The following PDZRN3 variants were observed in gnomAD, a reference collection of about 807,000 sequenced individuals.
PDZRN3 encodes the protein E3 ubiquitin-protein ligase PDZRN3.
In PDZRN3, 38 loss-of-function variants were observed where a neutral mutation model predicts 85.7. That is an observed-to-expected ratio of 0.44 (90% CI 0.34 to 0.58). The LOEUF is 0.58. PDZRN3 is among the 20% of genes least tolerant of loss of function. The probability of loss-of-function intolerance (pLI) is 0.01; values close to 1 mark genes in which losing one functional copy is unlikely to be tolerated. For missense variants in PDZRN3, 1,629 were observed against 1,506.4 expected, an observed-to-expected ratio of 1.08 and a Z score of -1.35; for synonymous variants, 759 against 638.0, an observed-to-expected ratio of 1.19 and a Z score of -2.86.
rs957879396 is a variant in PDZRN3, at chr3:73,602,531, T to G, written c.811-70A>C. On this transcript the variant is annotated intron_variant, in intron 2 of 9. Coordinates refer to ENST00000263666, the MANE Select transcript of PDZRN3 (RefSeq NM_015009.3). ...TTGAGCATGAAAGTAAAGCTTGCAC[T>G]CTTAAAACAGTAATTGACTCTTGCT... 12 of 797,182 alleles carry G rather than the reference T, an allele frequency of 1.5e-5. No individual in the cohort carries two copies. In the Admixed American group the frequency reaches 2.4e-4, roughly 16 times the overall value. The allele number at this position is 797,182 out of a possible 1,614,324, so 49.4% of individuals were successfully genotyped here. A position where few individuals can be genotyped will look rare whatever the true frequency, so the allele number is the denominator to read the frequency against.
intron 3 of PDZRN3, among the ~76,000 whole-genome samples, chr3:73,552,730 T>C (rs980590931): frequency 6.6e-6 from 1 of 152,222 alleles, no homozygotes; most frequent in African/African-American, 2.4e-5. Context: ...GAAGAACAGG[T>C]GCTAGTCCTT....
chr3:73,412,225 G>A (rs576183151), intron 3 of PDZRN3, among the ~76,000 whole-genome samples: 6 of 152,298 alleles, frequency 3.9e-5, no homozygotes, highest in Non-Finnish European at 5.9e-5. Flanking sequence ...CGTCATGCCC[G>A]AAGCCTTTAT....
At chr3:73,593,874 A>T (rs1162729661) in intron 3 of PDZRN3, 4 of 152,120 alleles carry the variant, frequency 2.6e-5, no homozygotes, top group Admixed American at 2.6e-4. Context: ...TTCCCCTGCA[A>T]AGACTAATAT....
chr3:73,462,419 C>T (rs1468374153), intron 3 of PDZRN3, among the ~76,000 whole-genome samples: 1 of 151,848 alleles, frequency 6.6e-6, no homozygotes, highest in South Asian at 2.1e-4. Flanking sequence ...GTGGTGGGCC[C>T]CTGTAGTCCC....
intron 3 of PDZRN3, among the ~76,000 whole-genome samples, chr3:73,498,241 T>C (rs1279374305): frequency 6.6e-6 from 1 of 152,188 alleles, no homozygotes; most frequent in Non-Finnish European, 1.5e-5. Flanking sequence ...AGTTTCTATC[T>C]ATCAAGTCCA....
chr3:73,415,804 G>GT (rs1427290452), intron 3 of PDZRN3, among the ~76,000 whole-genome samples: 2 of 152,014 alleles, frequency 1.3e-5, no homozygotes, highest in South Asian at 2.1e-4. Context: ...TAACTCCATC[G>GT]TAAGTTAAGG....
chr3:73,484,729 C>T (rs146924717), intron 3 of PDZRN3, among the ~76,000 whole-genome samples: 1 of 152,082 alleles, frequency 6.6e-6, no homozygotes, highest in Non-Finnish European at 1.5e-5. Context: ...GTCTACAGAC[C>T]AGCAGCACCA....
At chr3:73,402,941 C>CTTTTTTTTTTTTTTTTTTTTTTTTTT (rs140037400) in intron 4 of PDZRN3, among the ~76,000 whole-genome samples, 2 of 115,674 alleles carry the variant, frequency 1.7e-5, no homozygotes, top group African/African-American at 7.5e-5. Context: ...ACATGAAAAG[C>CTTTTTTTTTTTTTTTTTTTTTTTTTT]TTTTTTTTTT....
intron 1 of PDZRN3, among the ~76,000 whole-genome samples, chr3:73,613,456 T>C (rs1702714047): frequency 6.6e-6 from 1 of 151,952 alleles, no homozygotes; most frequent in African/African-American, 2.4e-5. Context: ...TTAGGAACGG[T>C]GGAGACAGAA....
At chr3:73,541,127 C>A (rs572206408) in intron 3 of PDZRN3, among the ~76,000 whole-genome samples, 1 of 152,114 alleles carries the variant, frequency 6.6e-6, no homozygotes, top group African/African-American at 2.4e-5. Context: ...AAAATGTTGC[C>A]TAACCTCCAT....
At chr3:73,388,121 T>C (rs1345560144) in intron 7 of PDZRN3, 52 bp from the exon 8 acceptor site, 1 of 859,670 alleles carries the variant, frequency 1.2e-6, no homozygotes, top group Non-Finnish European at 1.8e-6. Context: ...ATAGCATGAT[T>C]AGATGGTGCA....
intron 8 of PDZRN3, among the ~76,000 whole-genome samples, chr3:73,386,937 T>C (rs558918763): frequency 5.3e-5 from 8 of 152,210 alleles, no homozygotes; most frequent in Non-Finnish European, 1.2e-4. Context: ...GTAGCTCCCA[T>C]AAGTCCTACG....
At chr3:73,408,578 T>C (rs1005653611) in intron 3 of PDZRN3, among the ~76,000 whole-genome samples, 1 of 149,178 alleles carries the variant, frequency 6.7e-6, no homozygotes, top group African/African-American at 2.5e-5. Context: ...CGAGTTGGGA[T>C]TCTTGGAGGA....
chr3:73,476,602 C>T (rs1476668773), intron 3 of PDZRN3, among the ~76,000 whole-genome samples: 7 of 152,214 alleles, frequency 4.6e-5, no homozygotes, highest in African/African-American at 9.6e-5. Flanking sequence ...CTGATGGCTG[C>T]TACTTTCATG....
At chr3:73,542,730 C>T (rs560654568) in intron 3 of PDZRN3, among the ~76,000 whole-genome samples, 1 of 152,130 alleles carries the variant, frequency 6.6e-6, no homozygotes, top group African/African-American at 2.4e-5. Context: ...GCCAAGATCA[C>T]ACCATTGCAC....
rs781504213 is a variant in PDZRN3 at position 73,624,690 on chromosome 3, C to G, written c.136G>C (p.Val46Leu). 3 of 1,526,508 alleles carry G rather than the reference C, an allele frequency of 2.0e-6. No individual in the cohort carries two copies. Among genetic ancestry groups the G allele is most frequent in the African/African-American group, 2.8e-5 (2 of 70,316 alleles). The allele number at this position is 1,526,508 out of a possible 1,614,324, so 94.6% of individuals were successfully genotyped here. Residue 46 changes from valine to leucine, a missense_variant, in exon 1 of 10, where the codon GTG becomes CTG. Coordinates refer to ENST00000263666, the MANE Select transcript of PDZRN3 (RefSeq NM_015009.3). ...GCCGGGCAGCTGCCCTCCTGCACCA[C>G]CCAGGGCAGCACGCAGCCGGCGCAG... ...VFCAGCVLPW[V>L]VQEGSCPARC... is the part of the protein sequence containing the mutation.
chr3:73,402,328 C>T (rs953908150), intron 4 of PDZRN3: 5 of 152,198 alleles, frequency 3.3e-5, no homozygotes, highest in East Asian at 1.9e-4. Context: ...TGGTCTGTAA[C>T]GTCAGATAAA....
At chr3:73,444,511 T>C (rs768191623) in intron 3 of PDZRN3, among the ~76,000 whole-genome samples, 16 of 152,346 alleles carry the variant, frequency 1.1e-4, no homozygotes, top group Admixed American at 7.2e-4. Flanking sequence ...AATAGCTTCA[T>C]TACCGTGATT....
intron 3 of PDZRN3, among the ~76,000 whole-genome samples, chr3:73,499,325 C>T (rs1054778743): frequency 1.3e-5 from 2 of 152,160 alleles, no homozygotes; most frequent in African/African-American, 2.4e-5. Flanking sequence ...AAATTATAAA[C>T]CTACGAGGCC....
Sources: gnomAD v4.1 joint callset for allele counts (sites outside exome capture counted in the v4.1 genomes callset) on GRCh38, gnomAD v4.1.1 for gene constraint, MANE v1.5 for transcripts, NCBI Gene and HGNC (gene_info 2026-07-23, HGNC 2026-07-21) for gene names.